Variants in ZFHX3 observed in about 807,000 individuals in gnomAD.
ZFHX3 encodes the protein zinc finger homeobox protein 3.
A neutral mutation model predicts 279.1 loss-of-function variants in ZFHX3; 42 were observed. That is an observed-to-expected ratio of 0.15 (90% CI 0.12 to 0.19). ZFHX3 has a LOEUF of 0.19. Ranked by LOEUF, ZFHX3 falls within the 10% of genes least tolerant of loss-of-function variation. The pLI is 1.00. For missense variants in ZFHX3, 4,981 were observed against 4,754.0 expected (o/e 1.05, Z -1.40); for synonymous variants, 2,293 against 1,957.8 (o/e 1.17, Z -4.52).
At chr16:73,116,101 C>T (rs567084459) in intron 7 of ZFHX3, among the ~76,000 whole-genome samples, 6 of 145,950 alleles carry the variant, frequency 4.1e-5, no homozygotes, top group Non-Finnish European at 7.4e-5. Flanking sequence ...GCCTGGGCAA[C>T]AAGAGCGAAA....
chr16:73,869,547 G>A (rs144270940), intron 1 of ZFHX3, among the ~76,000 whole-genome samples: 2 of 152,336 alleles, frequency 1.3e-5, no homozygotes, highest in East Asian at 3.9e-4. Context: ...TTTAGAAAAC[G>A]CAGGATATAC....
intron 1 of ZFHX3, among the ~76,000 whole-genome samples, chr16:72,988,474 A>G (rs1962939177): frequency 6.6e-6 from 1 of 152,246 alleles, no homozygotes; most frequent in African/African-American, 2.4e-5. Context: ...TTTCTGATTA[A>G]GGGATTCACT....
intron 1 of ZFHX3, among the ~76,000 whole-genome samples, chr16:73,726,764 C>T (rs1463570373): frequency 6.6e-6 from 1 of 152,186 alleles, no homozygotes; most frequent in African/African-American, 2.4e-5. Context: ...CACCCACTAT[C>T]ATGAGAACAG....
At chr16:73,821,344 G>C (rs1238496249) in intron 1 of ZFHX3, among the ~76,000 whole-genome samples, 2 of 152,158 alleles carry the variant, frequency 1.3e-5, no homozygotes, top group African/African-American at 4.8e-5. Context: ...ATATGGATTA[G>C]GTACCATCTC....
intron 7 of ZFHX3, among the ~76,000 whole-genome samples, chr16:72,810,618 C>G (rs2036416564): frequency 6.6e-6 from 1 of 152,204 alleles, no homozygotes; most frequent in Admixed American, 6.5e-5. Flanking sequence ...TTATAGTGGT[C>G]ACTTAGGGGC....
intron 5 of ZFHX3, among the ~76,000 whole-genome samples, chr16:73,213,639 TAAG>T (rs554973505): frequency 2.0e-4 from 31 of 152,332 alleles, no homozygotes; most frequent in South Asian, 4.1e-4. Flanking sequence ...TGCATGATAA[TAAG>T]AACTACTTAC....
At chr16:73,879,786 G>C (rs878959564) in intron 1 of ZFHX3, among the ~76,000 whole-genome samples, 1 of 152,032 alleles carries the variant, frequency 6.6e-6, no homozygotes, top group Admixed American at 6.6e-5. Flanking sequence ...ATGGTGAGCA[G>C]TGTCCCTGGC....
chr16:72,934,905 G>A (rs943226068), intron 3 of ZFHX3, among the ~76,000 whole-genome samples: 4 of 152,192 alleles, frequency 2.6e-5, no homozygotes, highest in Non-Finnish European at 5.9e-5. Flanking sequence ...GCTGGATTAC[G>A]AAATCAGGAT....
chr16:72,907,545 T>TTTTG (rs1394689944), intron 3 of ZFHX3, among the ~76,000 whole-genome samples: 12 of 120,480 alleles, frequency 1.0e-4, no homozygotes, highest in African/African-American at 3.5e-4. Context: ...TTTCCTCTAT[T>TTTTG]TGTGTGTGTG....
At chr16:73,483,319 G>C (rs1276847130) in intron 2 of ZFHX3, 2 of 447,798 alleles carry the variant, frequency 4.5e-6, no homozygotes, top group African/African-American at 4.2e-5. Flanking sequence ...GAGAGACCAA[G>C]AGCGAGCGAG....
At chr16:73,196,150 G>GT (rs11357649) in intron 5 of ZFHX3, among the ~76,000 whole-genome samples, 42,269 of 104,682 alleles carry the variant, frequency 0.4, 8,507 homozygotes, top group Non-Finnish European at 0.46. Flanking sequence ...TCTTGAAATA[G>GT]TTTTTTTTTT....
At chr16:73,842,088 C>T (rs1037630226) in intron 1 of ZFHX3, among the ~76,000 whole-genome samples, 4 of 151,576 alleles carry the variant, frequency 2.6e-5, no homozygotes, top group African/African-American at 7.3e-5. Context: ...TGGTGGCGCA[C>T]GCCTGTAATC....
chr16:73,863,531 G>A (rs1487517249), intron 1 of ZFHX3, among the ~76,000 whole-genome samples: 1 of 152,168 alleles, frequency 6.6e-6, no homozygotes, highest in Non-Finnish European at 1.5e-5. Flanking sequence ...TTCAGTCTCA[G>A]AAAAAAATCC....
intron 1 of ZFHX3, among the ~76,000 whole-genome samples, chr16:73,807,892 C>T (rs548182230): frequency 2.6e-5 from 4 of 152,094 alleles, no homozygotes; most frequent in South Asian, 4.2e-4. Flanking sequence ...TGCTAGGTTA[C>T]GTGTATCCAT....
intron 1 of ZFHX3, among the ~76,000 whole-genome samples, chr16:73,035,106 T>C (rs11647346): frequency 1.7e-3 from 257 of 152,240 alleles, no homozygotes; most frequent in Non-Finnish European, 3.0e-3. Flanking sequence ...CTTGTCTCGA[T>C]AGAGATGTGC....
chr16:72,794,513 C>T lies in ZFHX3; in HGVS notation c.8169G>A (p.Lys2723=), dbSNP rs1473077276. The change falls in exon 9 of 10, where the codon AAG becomes AAA. Residue 2723 remains lysine (K), a synonymous_variant. Coordinates refer to ENST00000268489, the MANE Select transcript of ZFHX3 (RefSeq NM_006885.4). The surrounding 1 kb of genome is among the most constrained non-coding windows in gnomAD (Gnocchi z 4.2). Reference sequence around the variant, plus strand: ...ACCGGATATGAGCCTCAAGAGCAGTCTTGGCTTTGAAGAGCGCTCTGCAAA... The same window carrying T: ...ACCGGATATGAGCCTCAAGAGCAGTTTTGGCTTTGAAGAGCGCTCTGCAAA... The part of the protein sequence containing the change: ...CPFCRALFKA[K]TALEAHIRSR... The T allele has an allele frequency of 1.9e-6, 3 of 1,614,086 alleles. No individual in the cohort carries two copies.
intron 7 of ZFHX3, among the ~76,000 whole-genome samples, chr16:73,113,501 TG>T (rs1446067129): frequency 6.6e-6 from 1 of 152,196 alleles, no homozygotes; most frequent in Non-Finnish European, 1.5e-5. Flanking sequence ...GCCTGGAGAA[TG>T]AGGCATCCTT....
At chr16:73,849,192 C>A (rs328378) in intron 1 of ZFHX3, among the ~76,000 whole-genome samples, 1 of 152,150 alleles carries the variant, frequency 6.6e-6, no homozygotes. Context: ...GCTCCTTAGG[C>A]GGGCCCCATG....
At chr16:72,963,621 T>C (rs1961692279) in intron 1 of ZFHX3, among the ~76,000 whole-genome samples, 1 of 152,210 alleles carries the variant, frequency 6.6e-6, no homozygotes, top group Admixed American at 6.5e-5. Flanking sequence ...ATCTTTACTT[T>C]TCAAAGATTG....
Sources: gnomAD v4.1 joint callset for allele counts (sites outside exome capture counted in the v4.1 genomes callset) on GRCh38, gnomAD v4.1.1 for gene constraint, Gnocchi (gnomAD v3.1) non-coding constraint, MANE v1.5 for transcripts, NCBI Gene and HGNC (gene_info 2026-07-23, HGNC 2026-07-21) for gene names.